The following DCC variants were observed in gnomAD, a reference collection of about 807,000 sequenced individuals.
The protein encoded by DCC is DCC netrin 1 receptor, also known as netrin receptor DCC.
DCC carries 58 observed loss-of-function variants against 172.5 expected under a neutral mutation model. The observed-to-expected ratio is 0.34, with a 90% CI of 0.27 to 0.42. The LOEUF is 0.42. Among genes scored for constraint, DCC ranks in the 10% least tolerant of loss-of-function variants. The pLI, the probability that DCC is intolerant of heterozygous loss-of-function variation, is 1.00. For synonymous variants in DCC, 709 were observed against 644.5 expected, an observed-to-expected ratio of 1.10 and a Z score of -1.52; for missense variants, 1,740 against 1,791.0, an observed-to-expected ratio of 0.97 and a Z score of 0.51.
chr18:52,681,069 T>C (rs2035742396), intron 1 of DCC, among the ~76,000 whole-genome samples: 1 of 152,100 alleles, frequency 6.6e-6, no homozygotes, highest in Admixed American at 6.6e-5. Context: ...TATCAGACTT[T>C]ATGTTATCCC....
chr18:52,774,803 G>A (rs1370187792), intron 2 of DCC, among the ~76,000 whole-genome samples: 1 of 152,088 alleles, frequency 6.6e-6, no homozygotes, highest in Non-Finnish European at 1.5e-5. Context: ...TGCGGCTGTC[G>A]AGGTGAAGGC....
At chr18:52,764,638 C>T (rs974660469) in intron 2 of DCC, among the ~76,000 whole-genome samples, 1 of 152,330 alleles carries the variant, frequency 6.6e-6, no homozygotes, top group African/African-American at 2.4e-5. Flanking sequence ...ATGGAAGCAG[C>T]TTGAGGCCCT....
chr18:53,484,125 T>A (rs878862857), intron 25 of DCC, among the ~76,000 whole-genome samples: 8 of 151,862 alleles, frequency 5.3e-5, no homozygotes, highest in African/African-American at 1.9e-4. Context: ...CATTGTGACT[T>A]CTTATTCTGT....
chr18:53,485,591 T>C lies in DCC; in HGVS notation c.3737-1206T>C, dbSNP rs151315696. On this transcript the variant is annotated intron_variant, in intron 25 of 28. Coordinates refer to ENST00000442544, the MANE Select transcript of DCC (RefSeq NM_005215.4). ...ATCTGAAACAGTCTGACTTCATTTT[T>C]CAGTTTAAGTAAACATGTTCAAATG... Among the ~76,000 whole-genome samples the C allele has an allele frequency of 1.8e-4, 27 of 152,268 alleles. No individual in the cohort carries two copies. The East Asian group carries it at 4.0e-3, about 23-fold the overall frequency.
At chr18:52,575,410 C>T (rs1321802805) in intron 1 of DCC, among the ~76,000 whole-genome samples, 1 of 152,252 alleles carries the variant, frequency 6.6e-6, no homozygotes, top group Non-Finnish European at 1.5e-5. Flanking sequence ...TTATTACTCA[C>T]GTTATTCACT....
At chr18:53,081,588 G>A (rs889740040) in intron 7 of DCC, among the ~76,000 whole-genome samples, 3 of 151,582 alleles carry the variant, frequency 2.0e-5, no homozygotes, top group Middle Eastern at 3.2e-3. Context: ...GTTTAAGAAC[G>A]TCACATGTGC....
At chr18:52,866,049 A>G (rs1204384047) in intron 2 of DCC, among the ~76,000 whole-genome samples, 4 of 152,154 alleles carry the variant, frequency 2.6e-5, no homozygotes, top group South Asian at 4.1e-4. Flanking sequence ...TATTTAATCC[A>G]TCTTTGAGTT....
intron 12 of DCC, among the ~76,000 whole-genome samples, chr18:53,273,860 G>A (rs1190967239): frequency 6.6e-6 from 1 of 151,870 alleles, no homozygotes; most frequent in South Asian, 2.1e-4. Flanking sequence ...TGTGACCCTG[G>A]CACATCTGTG....
intron 1 of DCC, among the ~76,000 whole-genome samples, chr18:52,425,794 TTA>T (rs1357354237): frequency 6.6e-6 from 1 of 152,124 alleles, no homozygotes; most frequent in Non-Finnish European, 1.5e-5. Flanking sequence ...CTCATAGAAA[TTA>T]TGTGACTTTG....
intron 12 of DCC, among the ~76,000 whole-genome samples, chr18:53,231,554 G>C (rs995787632): frequency 6.6e-6 from 1 of 152,084 alleles, no homozygotes; most frequent in African/African-American, 2.4e-5. Context: ...GATATAATGA[G>C]TTTGAGGAGG....
At chr18:53,257,896 A>T (rs1420146082) in intron 12 of DCC, among the ~76,000 whole-genome samples, 1 of 152,028 alleles carries the variant, frequency 6.6e-6, no homozygotes, top group Non-Finnish European at 1.5e-5. Context: ...AGAGCCTGTT[A>T]TTGGTCTTTT....
chr18:52,439,178 G>GTGTA, intron 1 of DCC, among the ~76,000 whole-genome samples: 1 of 149,400 alleles, frequency 6.7e-6, no homozygotes, highest in Non-Finnish European at 1.5e-5. Flanking sequence ...TATGTTTTGT[G>GTGTA]TGTGTGTGTG....
chr18:52,712,093 T>A (rs905984987), intron 1 of DCC, among the ~76,000 whole-genome samples: 2 of 152,116 alleles, frequency 1.3e-5, no homozygotes, highest in Non-Finnish European at 2.9e-5. Context: ...CCTGAGTAGC[T>A]GGGACTACAG....
At chr18:52,379,549 C>T (rs1985497672) in intron 1 of DCC, among the ~76,000 whole-genome samples, 1 of 152,180 alleles carries the variant, frequency 6.6e-6, no homozygotes, top group African/African-American at 2.4e-5. Context: ...GCAGTAATGG[C>T]CCTTTAATTC....
intron 15 of DCC, among the ~76,000 whole-genome samples, chr18:53,363,621 C>G (rs2057972241): frequency 6.6e-6 from 1 of 152,094 alleles, no homozygotes; most frequent in Admixed American, 6.6e-5. Context: ...TTGAACTTCT[C>G]CCACAGGCTT....
chr18:53,357,424 G>T (rs937201503), intron 15 of DCC, among the ~76,000 whole-genome samples: 2 of 151,964 alleles, frequency 1.3e-5, no homozygotes, highest in Non-Finnish European at 2.9e-5. Flanking sequence ...CTTCATGCAT[G>T]GAATACAGAA....
chr18:53,049,978 C>A (rs1000855353), intron 5 of DCC, among the ~76,000 whole-genome samples: 3 of 152,096 alleles, frequency 2.0e-5, no homozygotes, highest in Non-Finnish European at 2.9e-5. Context: ...GGGAAACCAA[C>A]TTTGTAGCCT....
chr18:52,356,275 G>C (rs1469254064), intron 1 of DCC, among the ~76,000 whole-genome samples: 1 of 152,164 alleles, frequency 6.6e-6, no homozygotes, highest in Non-Finnish European at 1.5e-5. Flanking sequence ...TAGTGGCTGA[G>C]AAAGCATATT....
chr18:53,052,916 G>A (rs951975317), intron 5 of DCC, among the ~76,000 whole-genome samples: 6 of 152,068 alleles, frequency 3.9e-5, no homozygotes, highest in Admixed American at 1.3e-4. Context: ...GCTGAGGTGC[G>A]AAGATCACTT....
Sources: gnomAD v4.1 joint callset for allele counts (sites outside exome capture counted in the v4.1 genomes callset) on GRCh38, gnomAD v4.1.1 for gene constraint, MANE v1.5 for transcripts, NCBI Gene and HGNC (gene_info 2026-07-23, HGNC 2026-07-21) for gene names.